Variants in ANKS6 observed in about 807,000 individuals in gnomAD.
The protein encoded by ANKS6 is ankyrin repeat and SAM domain-containing protein 6.
Under a neutral mutation model 77.9 loss-of-function variants are expected in ANKS6, and 47 were observed. That is an observed-to-expected ratio of 0.60 (90% CI 0.48 to 0.77). ANKS6 has a LOEUF of 0.77. ANKS6 is among the 30% of genes least tolerant of loss of function. ANKS6 has a pLI of 0.00. For synonymous variants in ANKS6, 488 were observed against 501.7 expected (o/e 0.97, Z 0.37); for missense variants, 1,150 against 1,159.1 (o/e 0.99, Z 0.11).
intron 13 of ANKS6, among the ~76,000 whole-genome samples, chr9:98,748,702 G>A (rs916697718): frequency 6.6e-6 from 1 of 152,148 alleles, no homozygotes; most frequent in African/African-American, 2.4e-5. Context: ...GAGCTAGAAG[G>A]AGCCTAGATG....
chr9:98,771,226 G>A (rs1200800040), intron 9 of ANKS6, among the ~76,000 whole-genome samples, 180 bp from the exon 10 acceptor site: 1 of 152,222 alleles, frequency 6.6e-6, no homozygotes, highest in Non-Finnish European at 1.5e-5. Flanking sequence ...TTGCTTCTAT[G>A]TGCTGACAAC....
intron 2 of ANKS6, 134 bp downstream of exon 2, chr9:98,789,970 C>A: frequency 7.6e-7 from 1 of 1,318,870 alleles, no homozygotes; most frequent in Non-Finnish European, 1.0e-6. Flanking sequence ...AAGCACACCA[C>A]TTCCTCAGTC....
At chr9:98,779,167 G>A (rs147385396) in intron 6 of ANKS6, among the ~76,000 whole-genome samples, 3,012 of 152,346 alleles carry the variant, frequency 0.02, 52 homozygotes, top group Non-Finnish European at 0.031. Flanking sequence ...GAGGTCAGCA[G>A]ACAAGACCAG....
At chr9:98,738,013 G>T (rs1194830192) in intron 14 of ANKS6, among the ~76,000 whole-genome samples, 1 of 152,118 alleles carries the variant, frequency 6.6e-6, no homozygotes, top group Non-Finnish European at 1.5e-5. Context: ...CAATGGTGCT[G>T]GGATAACTGG....
rs1360431739 is a variant in ANKS6 at position 98,784,289 on chromosome 9, A to C, written c.908-132T>G. On this transcript the variant is annotated intron_variant, in intron 3 of 14. Coordinates refer to ENST00000353234, the MANE Select transcript of ANKS6 (RefSeq NM_173551.5). ...AGTGGGCTGCTGGGCATCATAGGGG[A>C]TACTAAGAGGGCGTCAGAGATAGCC... 1.7e-5 allele frequency: 14 copies of C among 801,890 alleles called. No individual in the cohort carries two copies. The South Asian group carries it at 1.8e-4, about 10-fold the overall frequency. The allele number at this position is 801,890 out of a possible 1,614,324, so 49.7% of individuals were successfully genotyped here. A position where few individuals can be genotyped will look rare whatever the true frequency, so the allele number is the denominator to read the frequency against.
chr9:98,794,424 G>C (rs1588427416), intron 1 of ANKS6, among the ~76,000 whole-genome samples: 1 of 152,200 alleles, frequency 6.6e-6, no homozygotes, highest in Non-Finnish European at 1.5e-5. Context: ...ACCCCGATGT[G>C]AGGGACAGAC....
Position 98,732,369 on chromosome 9 carries a change from ATCTT to A in ANKS6, c.*4146_*4149del, listed in dbSNP as rs1251566752. On this transcript the variant is annotated 3_prime_UTR_variant, in exon 15 of 15. Transcript: ENST00000353234. ...TCAGCTTCTACGACTTGGTCAAACT[ATCTT>A]TCTTTCTGTCTGCCATGCCAGGAAA... is the stretch of plus-strand genomic sequence containing the variant. 117 of 1,052,366 alleles carry A rather than the reference ATCTT, an allele frequency of 1.1e-4. 1 individual carries two copies. The South Asian group carries it at 1.4e-3, about 13-fold the overall frequency. 65.2% of individuals were successfully genotyped at this position (1,052,366 alleles called of 1,614,324 possible). A position where few individuals can be genotyped will look rare whatever the true frequency, so the allele number is the denominator to read the frequency against.
At chr9:98,757,175 C>T (rs1357023873) in intron 11 of ANKS6, among the ~76,000 whole-genome samples, 1 of 152,200 alleles carries the variant, frequency 6.6e-6, no homozygotes, top group African/African-American at 2.4e-5. Context: ...ATATTAATAT[C>T]TACATCGTCA....
chr9:98,748,266 G>A lies in ANKS6; in HGVS notation c.2395-2591C>T, dbSNP rs556951182. On this transcript the variant is annotated intron_variant, in intron 13 of 14. Transcript: ENST00000353234. ...AATTCTGACCTCCGTCAACCCTGGG[G>A]GATGCCAAACCCTCAGGGCTTATTC... Among the ~76,000 whole-genome samples, 196 of 152,278 alleles carry A rather than the reference G, an allele frequency of 1.3e-3. 1 individual carries two copies. Among genetic ancestry groups the A allele is most frequent in the African/African-American group, 4.4e-3 (181 of 41,562 alleles).
chr9:98,778,559 T>TAC (rs1834050166), intron 6 of ANKS6, 135 bp from the exon 7 acceptor site: 1 of 760,462 alleles, frequency 1.3e-6, no homozygotes, highest in African/African-American at 1.8e-5. Flanking sequence ...AGACAGACAT[T>TAC]ACTGATCAAT....
chr9:98,757,230 A>G (rs1041226949), intron 11 of ANKS6, among the ~76,000 whole-genome samples: 1 of 152,172 alleles, frequency 6.6e-6, no homozygotes, highest in Non-Finnish European at 1.5e-5. Context: ...ACACAACACT[A>G]TTAACTAAAC....
chr9:98,763,658 A>G (rs1055202977), intron 11 of ANKS6, among the ~76,000 whole-genome samples: 9 of 152,068 alleles, frequency 5.9e-5, no homozygotes, highest in Non-Finnish European at 1.2e-4. Flanking sequence ...TTGAAAACAG[A>G]AAAACAGAGA....
chr9:98,764,297 G>A (rs990997991), intron 11 of ANKS6, among the ~76,000 whole-genome samples: 1 of 152,120 alleles, frequency 6.6e-6, no homozygotes, highest in Non-Finnish European at 1.5e-5. Flanking sequence ...GTTTTCAGTA[G>A]TTTAAACATA....
chr9:98,735,971 A>G lies in ANKS6; in HGVS notation c.*548T>C. 1 of 1,226,668 alleles carries G rather than the reference A, an allele frequency of 8.2e-7. No individual in the cohort carries two copies. The highest frequency in any genetic ancestry group is 1.0e-6 in the Non-Finnish European group (1 of 985,404). The allele number at this position is 1,226,668 out of a possible 1,614,324, so 76.0% of individuals were successfully genotyped here. A position where few individuals can be genotyped will look rare whatever the true frequency, so the allele number is the denominator to read the frequency against. Reference sequence around the variant, plus strand: ...TAGAAGTTTTAAGGGAAGATGTGCCAGGAAGGCTAACCTCTCACCATAATA... The same window carrying G: ...TAGAAGTTTTAAGGGAAGATGTGCCGGGAAGGCTAACCTCTCACCATAATA... On this transcript the variant is annotated 3_prime_UTR_variant, in exon 15 of 15. Transcript: ENST00000353234.
chr9:98,758,315 G>A (rs1832824660), intron 11 of ANKS6, among the ~76,000 whole-genome samples: 1 of 131,616 alleles, frequency 7.6e-6, no homozygotes, highest in Admixed American at 9.0e-5. Flanking sequence ...TTTGACATGC[G>A]CCATCTTTCT....
intron 3 of ANKS6, chr9:98,784,530 A>G (rs1834460321): frequency 2.4e-6 from 1 of 418,522 alleles, no homozygotes; most frequent in Non-Finnish European, 4.2e-6. Context: ...TTTAGGCTAA[A>G]TGCCTCTTTG....
At chr9:98,765,677 T>C (rs1833239979) in intron 11 of ANKS6, among the ~76,000 whole-genome samples, 1 of 152,152 alleles carries the variant, frequency 6.6e-6, no homozygotes, top group Admixed American at 6.5e-5. Flanking sequence ...AGCTGATATA[T>C]CTAGTAGGCC....
intron 6 of ANKS6, among the ~76,000 whole-genome samples, chr9:98,778,876 C>T (rs1834070836): frequency 6.6e-6 from 1 of 152,200 alleles, no homozygotes; most frequent in African/African-American, 2.4e-5. Flanking sequence ...GATCTCTATA[C>T]CAGGGCCTGG....
rs769882743 is a variant in ANKS6 at position 98,790,120 on chromosome 9, G to A, written c.846C>T (p.Thr282=). 11 of 1,566,052 alleles carry A rather than the reference G, an allele frequency of 7.0e-6. No homozygotes were observed. Among genetic ancestry groups the A allele is most frequent in the Non-Finnish European group, 9.6e-6 (11 of 1,147,874 alleles). Residue 282 remains threonine (T), a synonymous_variant, in exon 2 of 15, where the codon ACC becomes ACT. Coordinates refer to ENST00000353234, the MANE Select transcript of ANKS6 (RefSeq NM_173551.5). ...DLVDYLDPLT[T]VRPKTDEEKR... is the part of the protein sequence containing the mutation. Reference sequence around the variant, plus strand: ...CAGCCTGACCTGTTTTGGGCCTGACGGTGGTCAGCGGGTCCAGGTAGTCTA... The same window carrying A: ...CAGCCTGACCTGTTTTGGGCCTGACAGTGGTCAGCGGGTCCAGGTAGTCTA...
Sources: gnomAD v4.1 joint callset for allele counts (sites outside exome capture counted in the v4.1 genomes callset) on GRCh38, gnomAD v4.1.1 for gene constraint, MANE v1.5 for transcripts, NCBI Gene and HGNC (gene_info 2026-07-23, HGNC 2026-07-21) for gene names.